The following CTNNA2 variants were observed in gnomAD, a reference collection of about 807,000 sequenced individuals.
CTNNA2 encodes the protein catenin alpha-2.
CTNNA2 carries 42 observed loss-of-function variants against 101.0 expected under a neutral mutation model. The ratio of observed to expected loss-of-function variants is 0.42; its 90% CI spans 0.32 to 0.54. The LOEUF is 0.54. CTNNA2 is among the 20% of genes least tolerant of loss of function. The probability of loss-of-function intolerance (pLI) is 0.14; values close to 1 mark genes in which losing one functional copy is unlikely to be tolerated. For synonymous variants in CTNNA2, 450 were observed against 456.4 expected, an observed-to-expected ratio of 0.99 and a Z score of 0.18; for missense variants, 871 against 1,223.1, an observed-to-expected ratio of 0.71 and a Z score of 4.29.
intron 2 of CTNNA2, among the ~76,000 whole-genome samples, chr2:79,261,748 C>G (rs1416504067): frequency 6.6e-6 from 1 of 152,196 alleles, no homozygotes; most frequent in Non-Finnish European, 1.5e-5. Flanking sequence ...AGCTCCATCT[C>G]CAAATGCAGT....
intron 3 of CTNNA2, among the ~76,000 whole-genome samples, chr2:79,354,822 C>T (rs1677472596): frequency 6.6e-6 from 1 of 152,126 alleles, no homozygotes; most frequent in Non-Finnish European, 1.5e-5. Context: ...GTCAGCAATC[C>T]CATGTAGGAT....
At chr2:80,638,117 G>C (rs1673070697) in intron 18 of CTNNA2, among the ~76,000 whole-genome samples, 1 of 152,184 alleles carries the variant, frequency 6.6e-6, no homozygotes, top group African/African-American at 2.4e-5. Flanking sequence ...TAGAAATAGA[G>C]GGATCAAAGG....
intron 9 of CTNNA2, among the ~76,000 whole-genome samples, chr2:80,460,186 C>A (rs60145087): frequency 2.0e-5 from 3 of 152,118 alleles, no homozygotes; most frequent in African/African-American, 7.2e-5. Flanking sequence ...TGCCTTTGTG[C>A]ACAGGTCCTG....
intron 8 of CTNNA2, among the ~76,000 whole-genome samples, chr2:80,407,997 C>A (rs1292847592): frequency 3.3e-5 from 5 of 152,182 alleles, no homozygotes; most frequent in Non-Finnish European, 5.9e-5. Flanking sequence ...TTACTGACCA[C>A]AAATGGCCAG....
intron 7 of CTNNA2, among the ~76,000 whole-genome samples, chr2:79,954,573 C>A (rs1446592803): frequency 1.3e-5 from 2 of 152,142 alleles, no homozygotes; most frequent in Admixed American, 1.3e-4. Flanking sequence ...TAAACCCTTC[C>A]AAGAGCATAA....
At chr2:79,202,950 T>C (rs1674056567) in intron 2 of CTNNA2, among the ~76,000 whole-genome samples, 1 of 152,206 alleles carries the variant, frequency 6.6e-6, no homozygotes, top group Admixed American at 6.5e-5. Context: ...GAGATCAATG[T>C]AGTTTACCAG....
intron 2 of CTNNA2, among the ~76,000 whole-genome samples, chr2:79,704,401 T>G (rs1026900046): frequency 3.3e-5 from 5 of 152,218 alleles, no homozygotes; most frequent in Non-Finnish European, 7.3e-5. Context: ...AACTTTTTTG[T>G]GCATATTTTC....
intron 7 of CTNNA2, among the ~76,000 whole-genome samples, chr2:80,215,813 G>A (rs1573416292): frequency 6.6e-6 from 1 of 152,342 alleles, no homozygotes; most frequent in East Asian, 1.9e-4. Flanking sequence ...ATTTAAGTCT[G>A]CAGAAGTTTC....
chr2:80,363,004 C>CAAAAA (rs35779761), intron 7 of CTNNA2, among the ~76,000 whole-genome samples: 1 of 114,460 alleles, frequency 8.7e-6, no homozygotes, highest in African/African-American at 2.8e-5. Flanking sequence ...GACATCGTCT[C>CAAAAA]AAAAAAAAAA....
chr2:79,356,059 C>T (rs11676444), intron 3 of CTNNA2, among the ~76,000 whole-genome samples: 3,495 of 150,970 alleles, frequency 0.023, 111 homozygotes, highest in African/African-American at 0.08. Context: ...GTCCTACCAG[C>T]GTATATATAT....
chr2:79,834,313 T>C (rs1257965459), intron 3 of CTNNA2, among the ~76,000 whole-genome samples: 2 of 152,100 alleles, frequency 1.3e-5, no homozygotes, highest in African/African-American at 4.8e-5. Flanking sequence ...TTGTATTCTC[T>C]AGTAGTGGAT....
intron 9 of CTNNA2, among the ~76,000 whole-genome samples, chr2:80,455,711 C>T (rs567943388): frequency 1.3e-3 from 198 of 152,244 alleles, no homozygotes; most frequent in Non-Finnish European, 5.3e-4. Context: ...GCTGTCCGTG[C>T]GACCTTTGAG....
intron 7 of CTNNA2, among the ~76,000 whole-genome samples, chr2:80,082,994 A>G (rs1311635312): frequency 1.3e-5 from 2 of 152,212 alleles, no homozygotes; most frequent in Non-Finnish European, 2.9e-5. Context: ...ATAAAAAAGC[A>G]GGGGTATAGC....
At chr2:79,203,146 A>G (rs910539709) in intron 2 of CTNNA2, among the ~76,000 whole-genome samples, 5 of 151,982 alleles carry the variant, frequency 3.3e-5, no homozygotes, top group African/African-American at 1.2e-4. Context: ...GGACTCTCCT[A>G]TTGCTTCCCA....
At chr2:80,350,001 T>G (rs989522727) in intron 7 of CTNNA2, among the ~76,000 whole-genome samples, 1 of 152,300 alleles carries the variant, frequency 6.6e-6, no homozygotes, top group Admixed American at 6.5e-5. Context: ...AATATTTTAT[T>G]AACAGCAACA....
chr2:80,635,834 T>C (rs189649775), intron 18 of CTNNA2, among the ~76,000 whole-genome samples: 11 of 152,208 alleles, frequency 7.2e-5, no homozygotes, highest in Admixed American at 3.9e-4. Flanking sequence ...AAGGACCTGA[T>C]TGATTGGGCA....
chr2:79,606,595 A>AT (rs1677911038), intron 1 of CTNNA2, among the ~76,000 whole-genome samples: 9 of 152,170 alleles, frequency 5.9e-5, no homozygotes, highest in Non-Finnish European at 1.5e-5. Flanking sequence ...CAAAAATAAT[A>AT]ACATCATGGT....
At chr2:79,395,156 AC>A (rs764806334) in intron 4 of CTNNA2, among the ~76,000 whole-genome samples, 1 of 152,180 alleles carries the variant, frequency 6.6e-6, no homozygotes, top group Non-Finnish European at 1.5e-5. Context: ...AGCTAAGGTC[AC>A]CACGATGCTA....
At chr2:80,244,859 T>C (rs9677627) in intron 7 of CTNNA2, among the ~76,000 whole-genome samples, 19,754 of 152,116 alleles carry the variant, frequency 0.13, 3,108 homozygotes, top group African/African-American at 0.37. Flanking sequence ...GTCATTTCCA[T>C]ATCACACATC....
Sources: gnomAD v4.1 joint callset for allele counts (sites outside exome capture counted in the v4.1 genomes callset) on GRCh38, gnomAD v4.1.1 for gene constraint, MANE v1.5 for transcripts, NCBI Gene and HGNC (gene_info 2026-07-23, HGNC 2026-07-21) for gene names.